Variants in IRAK3 observed in about 807,000 individuals in gnomAD.
IRAK3 encodes interleukin-1 receptor-associated kinase 3.
A neutral mutation model predicts 56.6 loss-of-function variants in IRAK3; 57 were observed. The ratio of observed to expected loss-of-function variants is 1.01; its 90% CI spans 0.81 to 1.26. The LOEUF (loss-of-function observed/expected upper bound fraction) is 1.26. IRAK3 is among the 50% of genes most tolerant of loss of function. The probability of loss-of-function intolerance (pLI) is 0.00; values close to 1 mark genes in which losing one functional copy is unlikely to be tolerated. For synonymous variants in IRAK3, 258 were observed against 255.7 expected, an observed-to-expected ratio of 1.01 and a Z score of -0.09; for missense variants, 703 against 719.0, an observed-to-expected ratio of 0.98 and a Z score of 0.25.
At chr12:66,234,159 G>T in intron 8 of IRAK3, 2 of 1,614,166 alleles carry the variant, frequency 1.2e-6, no homozygotes, top group Non-Finnish European at 8.5e-7. Flanking sequence ...TCCTCAACAG[G>T]AGCCGCTGTC....
chr12:66,253,380 C>T lies in IRAK3; in HGVS notation c.*5209C>T, dbSNP rs966021911. 2.6e-5 allele frequency: 4 copies of T among 152,146 alleles called. No individual in the cohort carries two copies. Among genetic ancestry groups the T allele is most frequent in the Admixed American group, 2.0e-4 (3 of 15,276 alleles). 9.4% of individuals were successfully genotyped at this position (152,146 alleles called of 1,614,324 possible). On this transcript the variant is annotated 3_prime_UTR_variant, in exon 12 of 12. Coordinates refer to ENST00000261233, the MANE Select transcript of IRAK3 (RefSeq NM_007199.3). ...AAACCATGTCTAAGCAATGAAAAAC[C>T]AGTGTTCTGGCAGGAAATAAACTGA...
At chr12:66,223,735 A>G (rs1486192345) in intron 6 of IRAK3, among the ~76,000 whole-genome samples, 1 of 149,054 alleles carries the variant, frequency 6.7e-6, no homozygotes, top group Non-Finnish European at 1.5e-5. Flanking sequence ...TTTTTTTGAG[A>G]CGGAGTCTTG....
intron 8 of IRAK3, among the ~76,000 whole-genome samples, chr12:66,243,812 G>C (rs549447611): frequency 1.3e-4 from 20 of 152,268 alleles, no homozygotes; most frequent in South Asian, 4.1e-4. Context: ...TCCGGTTCCT[G>C]CTTTGACAGC....
intron 8 of IRAK3, among the ~76,000 whole-genome samples, chr12:66,240,377 T>C (rs1481925149): frequency 1.1e-4 from 16 of 152,172 alleles, no homozygotes; most frequent in Non-Finnish European, 2.9e-5. Context: ...CAAGCTTGAA[T>C]ACTGTGTCTC....
At chr12:66,216,952 T>G (rs2052682736) in intron 5 of IRAK3, among the ~76,000 whole-genome samples, 1 of 152,206 alleles carries the variant, frequency 6.6e-6, no homozygotes, top group African/African-American at 2.4e-5. Context: ...ATACACTGCA[T>G]GAAAAACCTT....
rs568895870 is a variant in IRAK3, at chr12:66,221,653, A to G, written c.653+4418A>G. ...ATTTTTCAGTCTGTTAATATGGTGT[A>G]TCATTTACATATTTGCACATGTTGA... On this transcript the variant is annotated intron_variant, in intron 6 of 11. Coordinates refer to ENST00000261233, the MANE Select transcript of IRAK3 (RefSeq NM_007199.3). Among the ~76,000 whole-genome samples, 8 of 152,330 alleles carry G rather than the reference A, an allele frequency of 5.3e-5. No individual in the cohort carries two copies. The East Asian group carries it at 1.5e-3, about 29-fold the overall frequency.
chr12:66,238,006 G>A (rs2052925525), intron 8 of IRAK3, among the ~76,000 whole-genome samples: 1 of 152,186 alleles, frequency 6.6e-6, no homozygotes, highest in African/African-American at 2.4e-5. Flanking sequence ...CCCTGTGGGT[G>A]TCAAACAATG....
At chr12:66,202,235 A>C (rs1332502887) in intron 1 of IRAK3, among the ~76,000 whole-genome samples, 2 of 152,188 alleles carry the variant, frequency 1.3e-5, no homozygotes, top group African/African-American at 4.8e-5. Flanking sequence ...TCCACGGATG[A>C]GTGTACATAC....
chr12:66,248,829 T>TAA lies in IRAK3; in HGVS notation c.*662_*663dup, dbSNP rs1195744915. On this transcript the variant is annotated 3_prime_UTR_variant, in exon 12 of 12. Transcript: ENST00000261233. ...TGTATTGACTATTATTACAGCTTTT[T>TAA]AAAAACAGACTTAGTGACCTATTAT... 1 of 152,226 alleles carries TAA rather than the reference T, an allele frequency of 6.6e-6. No homozygotes were observed. The highest frequency in any genetic ancestry group is 1.5e-5 in the Non-Finnish European group (1 of 68,056). The allele number at this position is 152,226 out of a possible 1,614,324, so 9.4% of individuals were successfully genotyped here.
In IRAK3 at chr12:66,197,138, A is replaced by G. The variant is rs2052462142; in HGVS notation, c.134-6573A>G. 7.9e-6 allele frequency: 10 copies of G among 1,272,434 alleles called. No homozygotes were observed. In the South Asian group the frequency reaches 3.0e-4, roughly 38 times the overall value. 78.8% of individuals were successfully genotyped at this position (1,272,434 alleles called of 1,614,324 possible). On this transcript the variant is annotated intron_variant, in intron 1 of 11. Coordinates refer to ENST00000261233, the MANE Select transcript of IRAK3 (RefSeq NM_007199.3). ...TTGACTTTTTGGCTTATGTGACTCCAATACGACTTTCAACAAAGATTTGTG... is the reference window on the plus strand; with the variant it reads ...TTGACTTTTTGGCTTATGTGACTCCGATACGACTTTCAACAAAGATTTGTG...
rs189302400 is a variant in IRAK3 at position 66,212,998 on chromosome 12, T to G, written c.588+1401T>G. Among the ~76,000 whole-genome samples, 260 of 151,970 alleles carry G rather than the reference T, an allele frequency of 1.7e-3. 1 individual carries two copies. Among genetic ancestry groups the G allele is most frequent in the Admixed American group, 6.0e-3 (91 of 15,270 alleles). On this transcript the variant is annotated intron_variant, in intron 5 of 11. Coordinates refer to ENST00000261233, the MANE Select transcript of IRAK3 (RefSeq NM_007199.3). ...AACCACCGTGGCACATGTATACTTA[T>G]GTAACAAACCTGCATGTTCAGCACA...
intron 1 of IRAK3, among the ~76,000 whole-genome samples, chr12:66,191,505 A>G (rs1276250909): frequency 6.6e-6 from 1 of 152,186 alleles, no homozygotes; most frequent in Non-Finnish European, 1.5e-5. Context: ...ATTCTCTCAC[A>G]GGGAAAGGGT....
chr12:66,238,916 A>G (rs1277494373), intron 8 of IRAK3, among the ~76,000 whole-genome samples: 1 of 152,216 alleles, frequency 6.6e-6, no homozygotes, highest in South Asian at 2.1e-4. Context: ...GTTGCAGCCT[A>G]TATTCTTGGC....
intron 6 of IRAK3, among the ~76,000 whole-genome samples, chr12:66,224,131 G>A (rs2136936148): frequency 6.6e-6 from 1 of 152,118 alleles, no homozygotes; most frequent in East Asian, 1.9e-4. Context: ...TATTTATTTT[G>A]TGTTAGGCCC....
At chr12:66,189,456 G>T in intron 1 of IRAK3, 24 bp downstream of exon 1, 2 of 1,189,762 alleles carry the variant, frequency 1.7e-6, no homozygotes, top group East Asian at 3.7e-5. Flanking sequence ...GACCGGCCGG[G>T]GGCGGCGGGG....
At chr12:66,232,275 G>A (rs1367528852) in intron 8 of IRAK3, among the ~76,000 whole-genome samples, 1 of 152,170 alleles carries the variant, frequency 6.6e-6, no homozygotes, top group African/African-American at 2.4e-5. Flanking sequence ...ATGTGTCAGG[G>A]TATGGAGATC....
In IRAK3 at chr12:66,253,511, A is replaced by G. The variant is rs1400285297; in HGVS notation, c.*5340A>G. On this transcript the variant is annotated 3_prime_UTR_variant, in exon 12 of 12. Coordinates refer to ENST00000261233, the MANE Select transcript of IRAK3 (RefSeq NM_007199.3). ...ATTTTCCTGGGAGACATTTTTATTC[A>G]AAAGACCTGTATTGCCTGCCAAACC... 2.6e-5 allele frequency: 4 copies of G among 152,308 alleles called. No homozygotes were observed. The highest frequency in any genetic ancestry group is 4.8e-5 in the African/African-American group (2 of 41,562). 9.4% of individuals were successfully genotyped at this position (152,308 alleles called of 1,614,324 possible). A position where few individuals can be genotyped will look rare whatever the true frequency, so the allele number is the denominator to read the frequency against.
chr12:66,189,510 G>C lies in IRAK3; in HGVS notation c.133+78G>C, dbSNP rs958875863. 22 of 990,472 alleles carry C rather than the reference G, an allele frequency of 2.2e-5. No homozygotes were observed. The African/African-American group carries it at 2.9e-4, about 13-fold the overall frequency. The allele number at this position is 990,472 out of a possible 1,614,324, so 61.4% of individuals were successfully genotyped here. A position where few individuals can be genotyped will look rare whatever the true frequency, so the allele number is the denominator to read the frequency against. On this transcript the variant is annotated intron_variant, in intron 1 of 11. Transcript: ENST00000261233. ...GGCCCGCTCGGCGTCGCCCTGCATG[G>C]CTGGGGTCCCTCGCGGGGCTGGCGC...
chr12:66,203,168 A>G (rs1025027363), intron 1 of IRAK3, among the ~76,000 whole-genome samples: 1 of 152,328 alleles, frequency 6.6e-6, no homozygotes, highest in African/African-American at 2.4e-5. Context: ...CATAATCTCA[A>G]AGTATCTTCC....
Sources: allele counts gnomAD v4.1 joint callset (sites outside exome capture counted in the v4.1 genomes callset), GRCh38; gene constraint gnomAD v4.1.1; transcripts MANE v1.5; gene names NCBI Gene and HGNC (gene_info 2026-07-23, HGNC 2026-07-21).